The following TTN variants were observed in gnomAD, a reference collection of about 807,000 sequenced individuals.
TTN encodes connectin.
TTN carries 1,525 observed loss-of-function variants against 3,223.0 expected under a neutral mutation model. The ratio of observed to expected loss-of-function variants is 0.47; its 90% confidence interval spans 0.45 to 0.49. The LOEUF is 0.49. Among genes scored for constraint, TTN ranks in the 20% least tolerant of loss-of-function variants. The probability of loss-of-function intolerance (pLI) is 0.00; values close to 1 mark genes in which losing one functional copy is unlikely to be tolerated. For missense variants in TTN, 40,786 were observed against 43,424.0 expected (o/e 0.94, Z 5.40); for synonymous variants, 14,094 against 15,161.0 (o/e 0.93, Z 5.17).
At chr2:178,638,686 T>C (rs1444381346) in intron 223 of TTN, among the ~76,000 whole-genome samples, 2 of 151,904 alleles carry the variant, frequency 1.3e-5, no homozygotes, top group African/African-American at 2.4e-5. Context: ...TCTTAGAAAA[T>C]TATCAATACA....
rs2054398745 is a variant in TTN at position 178,604,849 on chromosome 2, T to C, written c.54240A>G (p.Glu18080=). Residue 18080 remains glutamate, a synonymous_variant, in exon 281 of 363, where the codon GAA becomes GAG. Coordinates refer to ENST00000589042, the MANE Select transcript of TTN (RefSeq NM_001267550.2). The stretch of plus-strand genomic sequence containing the variant: ...GGGCATCCCATGTCAAGTAGCAAGA[T>C]TCAGCTTTAATGTCAGTAACAGCAA... The part of the protein sequence containing the change: ...RNLAVTDIKA[E]SCYLTWDAPL... 1.9e-6 allele frequency: 3 copies of C among 1,612,430 alleles called. No homozygotes were observed. The highest frequency in any genetic ancestry group is 4.5e-5 in the East Asian group (2 of 44,664).
rs1201568754 is a variant in TTN, at chr2:178,595,628, A to G, written c.57726T>C (p.Asn19242=). Residue 19242 remains asparagine, a synonymous_variant, in exon 295 of 363, where the codon AAT becomes AAC. Transcript: ENST00000589042. ...TPVTYTVTRQ[N]ATVQGLIQGK... is the part of the protein sequence containing the mutation. ...CTTGAATGAGACCCTGGACAGTAGC[A>G]TTTTGTCGGGTAACTGTATATGTCA... 1.2e-6 allele frequency: 2 copies of G among 1,603,634 alleles called. No individual in the cohort carries two copies. Among genetic ancestry groups the G allele is most frequent in the Non-Finnish European group, 8.5e-7 (1 of 1,174,746 alleles).
intron 87 of TTN, 54 bp from the exon 88 acceptor site, chr2:178,717,436 A>G: frequency 3.2e-6 from 5 of 1,569,978 alleles, no homozygotes; most frequent in Non-Finnish European, 4.3e-6. Context: ...TCTCACATAC[A>G]GAGCAGAAAC....
At position 178,542,670 on chromosome 2, in the gene TTN, A is replaced by G; in HGVS notation, c.97184T>C (p.Ile32395Thr). ...TGTTSETIKV[I>T]ILDKPGPPTG... Reference sequence around the variant, plus strand: ...TTGTCACACATCCTTACCAAGAATGATAACTTTAATGGTTTCTGAAGTAGT... The same window carrying G: ...TTGTCACACATCCTTACCAAGAATGGTAACTTTAATGGTTTCTGAAGTAGT... Residue 32395 changes from isoleucine (I) to threonine (T), a missense_variant, in exon 348 of 363, where the codon ATC becomes ACC. Ile to Thr is a moderately conservative substitution (Grantham distance 89). Transcript: ENST00000589042. 2.5e-6 allele frequency: 4 copies of G among 1,611,214 alleles called. No homozygotes were observed. Among genetic ancestry groups the G allele is most frequent in the Non-Finnish European group, 2.5e-6 (3 of 1,177,530 alleles).
In TTN at chr2:178,604,437, A is replaced by G. The variant is rs905592138; in HGVS notation, c.54382-132T>C. 7.3e-6 allele frequency: 6 copies of G among 818,414 alleles called. No individual in the cohort carries two copies. In the African/African-American group the frequency reaches 1.1e-4, roughly 15 times the overall value. 50.7% of individuals were successfully genotyped at this position (818,414 alleles called of 1,614,324 possible). On this transcript the variant is annotated intron_variant, in intron 281 of 362. Transcript: ENST00000589042. ...AAATATATAGACTCAAAACATGGGA[A>G]GACAGAGAAAAGGAGAAAGCTTTTT...
chr2:178,728,963 T>G lies in TTN; in HGVS notation c.19075A>C (p.Ser6359Arg). 6.2e-7 allele frequency: 1 copy of G among 1,613,066 alleles called. No individual in the cohort carries two copies. Among genetic ancestry groups the G allele is most frequent in the Non-Finnish European group, 8.5e-7 (1 of 1,179,536 alleles). Residue 6359 changes from serine to arginine, a missense_variant, in exon 65 of 363, where the codon AGT becomes CGT. Ser to Arg is a moderately radical substitution (Grantham distance 110). Coordinates refer to ENST00000589042, the MANE Select transcript of TTN (RefSeq NM_001267550.2). ...LQIRSVDNGHSGRYTCQAKNE... is the reference protein window; with the variant it reads ...LQIRSVDNGHRGRYTCQAKNE... The stretch of plus-strand genomic sequence containing the variant: ...TTGGCTTGACAGGTATATCTCCCAC[T>G]GTGTCCATTATCCACACTTCTGATT...
At chr2:178,540,467 G>A in intron 350 of TTN, 97 bp from the exon 351 acceptor site, 1 of 1,012,046 alleles carries the variant, frequency 9.9e-7, no homozygotes, top group Non-Finnish European at 1.4e-6. Context: ...GAAACGGACT[G>A]TTAACATTAG....
chr2:178,686,574 T>C (rs1167528688), intron 127 of TTN, among the ~76,000 whole-genome samples: 1 of 152,040 alleles, frequency 6.6e-6, no homozygotes, highest in Non-Finnish European at 1.5e-5. Flanking sequence ...CATGCCACCA[T>C]GCCTAGCTGT....
chr2:178,697,293 C>T (rs1429498845), intron 112 of TTN, 125 bp from the exon 113 acceptor site: 12 of 694,286 alleles, frequency 1.7e-5, no homozygotes, highest in Non-Finnish European at 2.6e-5. Flanking sequence ...TACACCAGCC[C>T]TTCCAGGAAT....
Position 178,599,645 on chromosome 2 carries a change from C to A in TTN, c.56256G>T (p.Pro18752=). 1.9e-6 allele frequency: 3 copies of A among 1,612,582 alleles called. No individual in the cohort carries two copies. Among genetic ancestry groups the A allele is most frequent in the Non-Finnish European group, 2.5e-6 (3 of 1,179,198 alleles). ...VVDDTCTLVI[P]QSRRSDTGLY... ...AGCCAGTGTCACTCCTGCGAGACTG[C>A]GGAATAACTAAAGTGCAAGTATCAT... is the stretch of plus-strand genomic sequence containing the variant. Residue 18752 remains proline (P), a synonymous_variant, in exon 289 of 363, where the codon CCG becomes CCT. Transcript: ENST00000589042.
rs1691136637 is a variant in TTN at position 178,535,713 on chromosome 2, A to G, written c.100902T>C (p.Asp33634=). Reference sequence around the variant, plus strand: ...GGTAGTGGCCATTATTGTCAATGAGATCTTGTCCTTTCTGCCAGGTGATCA... The same window carrying G: ...GGTAGTGGCCATTATTGTCAATGAGGTCTTGTCCTTTCTGCCAGGTGATCA... ...DPVITWQKGQ[D]LIDNNGHYQV... is the part of the protein sequence containing the mutation. Residue 33634 remains aspartate (D), a synonymous_variant, in exon 358 of 363, where the codon GAT becomes GAC. Transcript: ENST00000589042. The G allele has an allele frequency of 6.2e-7, 1 of 1,613,664 alleles. No individual in the cohort carries two copies. Among genetic ancestry groups the G allele is most frequent in the Admixed American group, 1.7e-5 (1 of 59,990 alleles).
In TTN at chr2:178,669,430, T is replaced by C. The variant is rs1443188905; in HGVS notation, c.35488A>G (p.Lys11830Glu). ...PPAKVPGMPKKSVQEEKSPIV... is the reference protein window; with the variant it reads ...PPAKVPGMPKESVQEEKSPIV... The stretch of plus-strand genomic sequence containing the variant: ...GGTGATTTTTCTTCTTGAACACTTT[T>C]CTTAGGCATCCCAGGAACTTTAAAG... The change falls in exon 159 of 363, where the codon AAA becomes GAA. Residue 11830 changes from lysine (K) to glutamate (E), a missense_variant. Lys to Glu is a moderately conservative substitution (Grantham distance 56). Transcript: ENST00000589042. 1 of 1,530,256 alleles carries C rather than the reference T, an allele frequency of 6.5e-7. No homozygotes were observed. The highest frequency in any genetic ancestry group is 1.4e-5 in the African/African-American group (1 of 71,558). The allele number at this position is 1,530,256 out of a possible 1,614,324, so 94.8% of individuals were successfully genotyped here.
At position 178,562,141 on chromosome 2, in the gene TTN, T is replaced by C. The variant is rs1277390444; in HGVS notation, c.83991A>G (p.Arg27997=). The C allele has an allele frequency of 1.2e-6, 2 of 1,613,252 alleles. No homozygotes were observed. The highest frequency in any genetic ancestry group is 1.7e-6 in the Non-Finnish European group (2 of 1,179,584). ...TCTCTTTAAGAGTCTGACCATCTTT[T>C]CTCCAGTTCACAGTAGCTTGAGGTC... ...KGRPQATVNW[R]KDGQTLKETT... Residue 27997 remains arginine (R), a synonymous_variant, in exon 326 of 363, where the codon AGA becomes AGG. Coordinates refer to ENST00000589042, the MANE Select transcript of TTN (RefSeq NM_001267550.2).
In TTN at chr2:178,565,380, C is replaced by T; in HGVS notation, c.80752G>A (p.Glu26918Lys). 6.2e-7 allele frequency: 1 copy of T among 1,613,538 alleles called. No homozygotes were observed. Among genetic ancestry groups the T allele is most frequent in the Non-Finnish European group, 8.5e-7 (1 of 1,179,634 alleles). ...RPNISWVKDG[E>K]PLKQTTRVNV... ...ACTCTTGTTGTCTGTTTAAGAGGCT[C>T]ACCATCTTTGACCCAAGAAATGTTA... The change falls in exon 326 of 363, where the codon GAG becomes AAG. Residue 26918 changes from glutamate to lysine, a missense_variant. Physicochemically the swap from Glu to Lys is moderately conservative, Grantham distance 56. Transcript: ENST00000589042.
At chr2:178,606,621 A>G (rs1311237154) in intron 278 of TTN, among the ~76,000 whole-genome samples, 28 of 151,950 alleles carry the variant, frequency 1.8e-4, no homozygotes, top group Admixed American at 1.0e-3. Context: ...GAGGAAGACT[A>G]AGGCATTTAT....
chr2:178,625,695 G>T (rs1223676498), intron 240 of TTN, among the ~76,000 whole-genome samples: 2 of 151,892 alleles, frequency 1.3e-5, no homozygotes, highest in Non-Finnish European at 2.9e-5. Flanking sequence ...CTAGCATTGG[G>T]TATAAGGACT....
At chr2:178,664,984 A>T (rs2065650057) in intron 165 of TTN, 58 bp from the exon 166 acceptor site, 1 of 1,530,536 alleles carries the variant, frequency 6.5e-7, no homozygotes, top group African/African-American at 1.4e-5. Context: ...GAAAACAGTA[A>T]CCACAATAAG....
At position 178,594,136 on chromosome 2, in the gene TTN, G is replaced by C; in HGVS notation, c.58257C>G (p.Ser19419=). The C allele has an allele frequency of 6.2e-7, 1 of 1,613,408 alleles. No individual in the cohort carries two copies. Among genetic ancestry groups the C allele is most frequent in the East Asian group, 2.2e-5 (1 of 44,702 alleles). The change falls in exon 297 of 363, where the codon TCC becomes TCG. Residue 19419 remains serine (S), a synonymous_variant. Coordinates refer to ENST00000589042, the MANE Select transcript of TTN (RefSeq NM_001267550.2). Reference sequence around the variant, plus strand: ...GCACATCAGCTTCATCTTTGAACCAGGAAACCTTAGGCTTTGGTTTGCCTG... The same window carrying C: ...GCACATCAGCTTCATCTTTGAACCACGAAACCTTAGGCTTTGGTTTGCCTG... ...RYSGKPKPKV[S]WFKDEADVLE...
At chr2:178,748,384 G>C in intron 47 of TTN, 5 of 1,613,116 alleles carry the variant, frequency 3.1e-6, no homozygotes, top group Non-Finnish European at 4.2e-6. Flanking sequence ...TTTCTTGACT[G>C]GCAAATACAT....
Sources: gnomAD v4.1 joint callset for allele counts (sites outside exome capture counted in the v4.1 genomes callset) on GRCh38, gnomAD v4.1.1 for gene constraint, MANE v1.5 for transcripts, NCBI Gene and HGNC (gene_info 2026-07-23, HGNC 2026-07-21) for gene names.